Variants in ALK observed in about 807,000 individuals in gnomAD.
The protein encoded by ALK is ALK tyrosine kinase receptor.
Under a neutral mutation model 163.1 loss-of-function variants are expected in ALK, and 74 were observed. The observed-to-expected ratio is 0.45, with a 90% confidence interval of 0.38 to 0.55. ALK has a LOEUF of 0.55. Among genes scored for constraint, ALK ranks in the 20% least tolerant of loss-of-function variants. ALK has a pLI of 0.00. For synonymous variants in ALK, 960 were observed against 843.2 expected (o/e 1.14, Z -2.40); for missense variants, 2,063 against 2,105.3 (o/e 0.98, Z 0.39).
intron 4 of ALK, among the ~76,000 whole-genome samples, chr2:29,436,428 G>A (rs767936958): frequency 1.2e-4 from 19 of 152,090 alleles, no homozygotes; most frequent in African/African-American, 3.6e-4. Context: ...GTTTTATAAC[G>A]TCATCATCTT....
At chr2:29,316,099 C>A (rs576137928) in intron 8 of ALK, among the ~76,000 whole-genome samples, 1 of 152,106 alleles carries the variant, frequency 6.6e-6, no homozygotes, top group Admixed American at 6.5e-5. Context: ...TTAGCCCGCC[C>A]GGGAGGAGGA....
At chr2:29,683,845 G>T (rs984941798) in intron 3 of ALK, among the ~76,000 whole-genome samples, 2 of 152,126 alleles carry the variant, frequency 1.3e-5, no homozygotes, top group African/African-American at 4.8e-5. Flanking sequence ...GTCAGGCAGG[G>T]CTGTGTGTTA....
At chr2:29,652,020 A>T (rs11890297) in intron 3 of ALK, among the ~76,000 whole-genome samples, 10,792 of 152,092 alleles carry the variant, frequency 0.071, 668 homozygotes, top group African/African-American at 0.16. Context: ...GGGAATTTTT[A>T]AAAAAATGAT....
chr2:29,604,235 G>T (rs1675475408), intron 3 of ALK, among the ~76,000 whole-genome samples: 1 of 151,566 alleles, frequency 6.6e-6, no homozygotes, highest in Non-Finnish European at 1.5e-5. Flanking sequence ...ATGACGTGAG[G>T]ATTACGTGAA....
chr2:29,429,512 A>G (rs1460834598), intron 4 of ALK, among the ~76,000 whole-genome samples: 1 of 152,094 alleles, frequency 6.6e-6, no homozygotes, highest in Non-Finnish European at 1.5e-5. Context: ...AAATGGAAAT[A>G]AATTTTACAA....
At chr2:29,669,988 G>C (rs1223920150) in intron 3 of ALK, among the ~76,000 whole-genome samples, 2 of 151,952 alleles carry the variant, frequency 1.3e-5, no homozygotes, top group African/African-American at 4.8e-5. Context: ...GGTTGCTGTA[G>C]CTATTATTGT....
chr2:29,280,132 G>A (rs1665670421), intron 9 of ALK, among the ~76,000 whole-genome samples: 1 of 152,078 alleles, frequency 6.6e-6, no homozygotes, highest in African/African-American at 2.4e-5. Context: ...GTTCTATCAT[G>A]TATGAGGTGG....
rs143660028 is a variant in ALK, at chr2:29,306,635, A to T, written c.1648-9578T>A. ...TAATGCATTTACAACCATTGTCCTTACCAGACAATTAACAGTCGTGTGTGT... is the reference window on the plus strand; with the variant it reads ...TAATGCATTTACAACCATTGTCCTTTCCAGACAATTAACAGTCGTGTGTGT... On this transcript the variant is annotated intron_variant, in intron 8 of 28. Transcript: ENST00000389048. Among the ~76,000 whole-genome samples the T allele has an allele frequency of 1.2e-3, 185 of 151,728 alleles. 3 individuals carry two copies. In the East Asian group the frequency reaches 0.033, roughly 27 times the overall value.
intron 26 of ALK, among the ~76,000 whole-genome samples, chr2:29,205,861 C>T (rs983290624): frequency 2.6e-5 from 4 of 152,298 alleles, no homozygotes; most frequent in East Asian, 1.9e-4. Flanking sequence ...CTGATACCCT[C>T]GGGCGGCCAT....
intron 14 of ALK, among the ~76,000 whole-genome samples, chr2:29,232,731 C>G (rs1664251397): frequency 6.6e-6 from 1 of 152,220 alleles, no homozygotes; most frequent in Non-Finnish European, 1.5e-5. Context: ...GAGGCTGCTT[C>G]CTCTACTTCC....
chr2:29,293,132 A>T (rs1413561570), intron 9 of ALK, among the ~76,000 whole-genome samples: 4 of 152,236 alleles, frequency 2.6e-5, no homozygotes, highest in Non-Finnish European at 5.9e-5. Flanking sequence ...ATCTGATGGG[A>T]CACAGGTGTT....
chr2:29,438,401 C>T (rs111325786), intron 4 of ALK, among the ~76,000 whole-genome samples: 4,208 of 152,206 alleles, frequency 0.028, 177 homozygotes, highest in African/African-American at 0.094. Context: ...TTTAGTGCTG[C>T]ACTAATTGGA....
intron 4 of ALK, among the ~76,000 whole-genome samples, chr2:29,413,498 C>T (rs781452642): frequency 5.9e-5 from 9 of 151,900 alleles, no homozygotes; most frequent in Non-Finnish European, 1.0e-4. Flanking sequence ...AGGTGCACAC[C>T]ACCACATCTG....
At chr2:29,817,286 T>C (rs1664925961) in intron 1 of ALK, among the ~76,000 whole-genome samples, 1 of 152,232 alleles carries the variant, frequency 6.6e-6, no homozygotes, top group African/African-American at 2.4e-5. Flanking sequence ...GATTTCTCTG[T>C]GACAACTGGA....
chr2:29,353,417 A>G (rs1347808321), intron 5 of ALK, among the ~76,000 whole-genome samples: 1 of 152,240 alleles, frequency 6.6e-6, no homozygotes, highest in African/African-American at 2.4e-5. Context: ...TTTTCAGGGA[A>G]GAGAGCAAAA....
intron 4 of ALK, among the ~76,000 whole-genome samples, chr2:29,406,845 G>C (rs1323531287): frequency 6.7e-6 from 1 of 149,520 alleles, no homozygotes; most frequent in Non-Finnish European, 1.5e-5. Flanking sequence ...GTTGCAGTGA[G>C]CTGAGATCGC....
At chr2:29,366,017 A>T (rs1055715782) in intron 5 of ALK, among the ~76,000 whole-genome samples, 2 of 151,576 alleles carry the variant, frequency 1.3e-5, no homozygotes, top group African/African-American at 4.9e-5. Context: ...CTTTTTCTGC[A>T]CACTACTTTG....
chr2:29,342,077 T>G (rs1216401929), intron 5 of ALK, among the ~76,000 whole-genome samples: 1 of 152,216 alleles, frequency 6.6e-6, no homozygotes, highest in Non-Finnish European at 1.5e-5. Flanking sequence ...ACTTGATTCC[T>G]TCAATGAATA....
intron 3 of ALK, among the ~76,000 whole-genome samples, chr2:29,605,539 G>A (rs1257311778): frequency 6.6e-6 from 1 of 152,202 alleles, no homozygotes; most frequent in African/African-American, 2.4e-5. Context: ...GTCACGAAAG[G>A]TGGGGCCCTC....
Sources: allele counts gnomAD v4.1 joint callset (sites outside exome capture counted in the v4.1 genomes callset), GRCh38; gene constraint gnomAD v4.1.1; transcripts MANE v1.5; gene names NCBI Gene and HGNC (gene_info 2026-07-23, HGNC 2026-07-21).